ATAD2B: variants seen among roughly 807,000 people sequenced by gnomAD.
ATAD2B encodes ATPase family AAA domain-containing protein 2B.
In ATAD2B, 40 loss-of-function variants were observed where a neutral mutation model predicts 167.6. The ratio of observed to expected loss-of-function variants is 0.24; its 90% CI spans 0.19 to 0.31. ATAD2B has a LOEUF of 0.31. Ranked by LOEUF, ATAD2B falls within the 10% of genes least tolerant of loss-of-function variation. ATAD2B has a pLI of 1.00. For synonymous variants in ATAD2B, 579 were observed against 596.5 expected, an observed-to-expected ratio of 0.97 and a Z score of 0.43; for missense variants, 1,242 against 1,757.2, an observed-to-expected ratio of 0.71 and a Z score of 5.24.
intron 2 of ATAD2B, among the ~76,000 whole-genome samples, chr2:23,891,174 T>C (rs1359373996): frequency 6.6e-6 from 1 of 151,912 alleles, no homozygotes; most frequent in Non-Finnish European, 1.5e-5. Flanking sequence ...GCACCCGCCA[T>C]CATGCCCAGC....
intron 1 of ATAD2B, among the ~76,000 whole-genome samples, chr2:23,922,898 C>T (rs746671206): frequency 6.6e-6 from 1 of 152,202 alleles, no homozygotes; most frequent in Non-Finnish European, 1.5e-5. Context: ...AATCCTGGTA[C>T]ATGTCAGTAG....
intron 12 of ATAD2B, among the ~76,000 whole-genome samples, chr2:23,859,699 G>A (rs1333629878): frequency 1.3e-5 from 2 of 152,068 alleles, no homozygotes; most frequent in African/African-American, 4.8e-5. Context: ...TGTAATCCCA[G>A]CACTTTGGGA....
rs1697752599 is a variant in ATAD2B at position 23,880,726 on chromosome 2, C to G, written c.814G>C (p.Val272Leu). ...ESQEEDGDIE[V>L]EEAEGEENDR... ...TTTTCTTCTCCTTCTGCCTCTTCAA[C>G]TTCTATATCTCCATCCTCCTCTTGA... The change falls in exon 7 of 28, where the codon GTT becomes CTT. Residue 272 changes from valine to leucine, a missense_variant. Physicochemically the swap from Val to Leu is conservative, Grantham distance 32 (BLOSUM62 1). Around this residue, in one of 9 missense-constraint regions of ATAD2B, gnomAD observed 99 missense variants for 160.4 expected, o/e 0.62. Transcript: ENST00000238789. 1 of 1,607,346 alleles carries G rather than the reference C, an allele frequency of 6.2e-7. No individual in the cohort carries two copies. Among genetic ancestry groups the G allele is most frequent in the Non-Finnish European group, 8.5e-7 (1 of 1,175,540 alleles).
At chr2:23,745,860 T>C (rs536101218), downstream of ATAD2B, among the ~76,000 whole-genome samples, 1 of 152,384 alleles carries the variant, frequency 6.6e-6, no homozygotes, top group African/African-American at 2.4e-5. Context: ...CTTGCTGTCC[T>C]GTCTTCAGCT....
intron 17 of ATAD2B, among the ~76,000 whole-genome samples, chr2:23,818,100 C>T (rs1193585314): frequency 1.8e-4 from 1 of 5,670 alleles, no homozygotes; most frequent in Non-Finnish European, 3.8e-4. Context: ...ACACATTACA[C>T]ACACACACAC....
chr2:23,800,596 CA>C (rs1683329098), intron 18 of ATAD2B, among the ~76,000 whole-genome samples: 2 of 151,924 alleles, frequency 1.3e-5, no homozygotes, highest in South Asian at 4.1e-4. Context: ...TTTTTTCCTC[CA>C]ATTGTCTCAA....
At position 23,837,398 on chromosome 2, in the gene ATAD2B, G is replaced by A. The variant is rs545218306; in HGVS notation, c.1569-3320C>T. 1.3e-5 allele frequency among the ~76,000 whole-genome samples: 2 copies of A among 152,308 alleles called. 1 individual carries two copies. The highest frequency in any genetic ancestry group is 4.1e-4 in the South Asian group (2 of 4,826). The stretch of plus-strand genomic sequence containing the variant: ...CACAGCCATGACTTGGGCAGCTGTA[G>A]CTGCACCTGGGAGGGCTGGACCCCT... On this transcript the variant is annotated intron_variant, in intron 13 of 27. Coordinates refer to ENST00000238789, the MANE Select transcript of ATAD2B (RefSeq NM_017552.4).
rs546296712 is a variant in ATAD2B at position 23,863,890 on chromosome 2, A to G, written c.1305-335T>C. Among the ~76,000 whole-genome samples, 8 of 152,360 alleles carry G rather than the reference A, an allele frequency of 5.3e-5. No individual in the cohort carries two copies. The South Asian group carries it at 1.5e-3, about 28-fold the overall frequency. On this transcript the variant is annotated intron_variant, in intron 11 of 27. Coordinates refer to ENST00000238789, the MANE Select transcript of ATAD2B (RefSeq NM_017552.4). Reference sequence around the variant, plus strand: ...ATAGATAGATTCAAATGACTCTTTAATAAGATTTTCCATATCCTTAAAAAC... The same window carrying G: ...ATAGATAGATTCAAATGACTCTTTAGTAAGATTTTCCATATCCTTAAAAAC...
intron 1 of ATAD2B, among the ~76,000 whole-genome samples, chr2:23,920,825 CATT>C (rs1166422728): frequency 6.6e-6 from 1 of 152,112 alleles, no homozygotes. Context: ...CTCAGTAACT[CATT>C]GTTCATAGAC....
At chr2:23,706,880 G>A in the ATAD2B span, 33 of 476,238 alleles carry the variant, frequency 6.9e-5, no homozygotes, top group African/African-American at 6.2e-4. Flanking sequence ...CAGGAACCAC[G>A]ATCCCGCCAT....
the ATAD2B span, among the ~76,000 whole-genome samples, chr2:23,704,645 T>C: frequency 6.6e-6 from 1 of 152,144 alleles, no homozygotes; most frequent in East Asian, 1.9e-4. Context: ...CATGTGCCTG[T>C]AATCCCAGCT....
the ATAD2B span, among the ~76,000 whole-genome samples, chr2:23,715,704 T>C: frequency 6.6e-6 from 1 of 151,880 alleles, no homozygotes; most frequent in African/African-American, 2.4e-5. Context: ...AGGGTTGCTT[T>C]ACTGTTTCTG....
At chr2:23,702,725 T>G in the ATAD2B span, among the ~76,000 whole-genome samples, 3,135 of 152,300 alleles carry the variant, frequency 0.021, 56 homozygotes, top group Middle Eastern at 0.034. Flanking sequence ...GTAATTATTC[T>G]TTGTGTGTTT....
chr2:23,909,614 A>G (rs1466859094), intron 1 of ATAD2B, among the ~76,000 whole-genome samples: 1 of 152,068 alleles, frequency 6.6e-6, no homozygotes, highest in Non-Finnish European at 1.5e-5. Flanking sequence ...CATGGTCAGA[A>G]GGATGTACAG....
At chr2:23,818,811 T>C (rs182992714) in intron 17 of ATAD2B, among the ~76,000 whole-genome samples, 1 of 152,342 alleles carries the variant, frequency 6.6e-6, no homozygotes, top group African/African-American at 2.4e-5. Flanking sequence ...TGAAAACTAT[T>C]TGGCCTCTTA....
intron 3 of ATAD2B, 23 bp from the exon 4 acceptor site, chr2:23,888,008 A>G (rs375002476): frequency 8.6e-6 from 13 of 1,516,178 alleles, no homozygotes; most frequent in Non-Finnish European, 9.7e-6. Context: ...AGATATTTAC[A>G]TTTCAAAGTA....
chr2:23,715,876 A>G, the ATAD2B span, among the ~76,000 whole-genome samples: 2 of 152,214 alleles, frequency 1.3e-5, no homozygotes, highest in Non-Finnish European at 2.9e-5. Flanking sequence ...TAAACTACAG[A>G]GCTGACAGCT....
At chr2:23,849,755 G>C (rs1422816331) in intron 13 of ATAD2B, among the ~76,000 whole-genome samples, 1 of 152,124 alleles carries the variant, frequency 6.6e-6, no homozygotes, top group Admixed American at 6.5e-5. Flanking sequence ...TTGAACCTTG[G>C]AGGCGGAGGT....
At chr2:23,884,696 T>C (rs1698431094) in intron 6 of ATAD2B, 69 bp downstream of exon 6, 1 of 807,850 alleles carries the variant, frequency 1.2e-6, no homozygotes, top group South Asian at 2.1e-5. Flanking sequence ...CTACATATAT[T>C]ACTTGTATAT....
Sources: allele counts gnomAD v4.1 joint callset (sites outside exome capture counted in the v4.1 genomes callset), GRCh38; gene constraint gnomAD v4.1.1; regional missense constraint gnomAD v4.1.1; transcripts MANE v1.5; gene names NCBI Gene and HGNC (gene_info 2026-07-23, HGNC 2026-07-21).